Variants in SLC39A11 observed in about 807,000 individuals in gnomAD.
SLC39A11 encodes zinc transporter ZIP11.
Under a neutral mutation model 36.1 loss-of-function variants are expected in SLC39A11, and 33 were observed. The observed-to-expected ratio is 0.91, with a 90% CI of 0.69 to 1.22. The LOEUF (loss-of-function observed/expected upper bound fraction) is 1.22, where lower values mean the gene tolerates loss of function less well. Ranked by LOEUF, SLC39A11 falls within the 50% of genes most tolerant of loss-of-function variation. The pLI is 0.00. For synonymous variants in SLC39A11, 166 were observed against 170.3 expected, an observed-to-expected ratio of 0.97 and a Z score of 0.20; for missense variants, 432 against 430.3, an observed-to-expected ratio of 1.00 and a Z score of -0.03.
intron 5 of SLC39A11, among the ~76,000 whole-genome samples, chr17:72,882,174 G>A (rs535640548): frequency 4.7e-4 from 72 of 152,112 alleles, no homozygotes; most frequent in Middle Eastern, 3.4e-3. Flanking sequence ...CCAACATGTC[G>A]AAACCTCATC....
intron 6 of SLC39A11, among the ~76,000 whole-genome samples, chr17:72,768,015 T>C (rs963254183): frequency 1.3e-5 from 2 of 152,112 alleles, no homozygotes; most frequent in Non-Finnish European, 2.9e-5. Context: ...TGCTCATTGG[T>C]TGGGGCAGAG....
chr17:73,011,043 A>G (rs1461887009), intron 4 of SLC39A11, among the ~76,000 whole-genome samples: 1 of 149,512 alleles, frequency 6.7e-6, no homozygotes, highest in East Asian at 2.0e-4. Context: ...GACATGACCC[A>G]TCTGTGCCCT....
intron 6 of SLC39A11, among the ~76,000 whole-genome samples, chr17:72,810,688 A>T (rs1009242029): frequency 2.0e-5 from 3 of 151,690 alleles, no homozygotes; most frequent in Non-Finnish European, 4.4e-5. Flanking sequence ...ATATGTAAAA[A>T]TTCTTTTTTT....
intron 5 of SLC39A11, among the ~76,000 whole-genome samples, chr17:72,854,767 C>G (rs2079549539): frequency 6.6e-6 from 1 of 152,196 alleles, no homozygotes; most frequent in African/African-American, 2.4e-5. Flanking sequence ...CTCCATCTTT[C>G]CTGGAAAAGA....
At chr17:73,016,644 C>A (rs575052004) in intron 4 of SLC39A11, among the ~76,000 whole-genome samples, 1 of 152,176 alleles carries the variant, frequency 6.6e-6, no homozygotes, top group East Asian at 1.9e-4. Context: ...CCAATGCACA[C>A]AAAACCTCCC....
chr17:72,758,842 C>T (rs1272797176), intron 6 of SLC39A11, among the ~76,000 whole-genome samples: 1 of 152,194 alleles, frequency 6.6e-6, no homozygotes, highest in Non-Finnish European at 1.5e-5. Flanking sequence ...TATACGCCAA[C>T]CGGAACATTC....
At chr17:72,845,001 C>T (rs918515398) in intron 6 of SLC39A11, among the ~76,000 whole-genome samples, 2 of 152,158 alleles carry the variant, frequency 1.3e-5, no homozygotes, top group African/African-American at 4.8e-5. Flanking sequence ...ATTGGCTCCA[C>T]CTTCAATCGG....
intron 7 of SLC39A11, among the ~76,000 whole-genome samples, chr17:72,692,071 C>A (rs974271122): frequency 8.7e-5 from 13 of 150,276 alleles, no homozygotes; most frequent in African/African-American, 3.2e-4. Context: ...AGTGCAGTGG[C>A]GCGATCTCGG....
At chr17:72,892,036 T>G (rs114957284) in intron 5 of SLC39A11, among the ~76,000 whole-genome samples, 52,364 of 149,040 alleles carry the variant, frequency 0.35, 9,394 homozygotes, top group East Asian at 0.69. Context: ...GATAAGACTA[T>G]TTTTTTTCCC....
chr17:72,649,353 C>G, intron 7 of SLC39A11, 85 bp from the exon 8 acceptor site: 1 of 1,244,012 alleles, frequency 8.0e-7, no homozygotes, highest in Non-Finnish European at 1.1e-6. Flanking sequence ...CCAAGACCTC[C>G]GTGGGTGCTA....
intron 7 of SLC39A11, among the ~76,000 whole-genome samples, chr17:72,653,926 T>A (rs56086050): frequency 0.062 from 9,378 of 152,172 alleles, 371 homozygotes; most frequent in Middle Eastern, 0.11. Flanking sequence ...TCTGTCCTAG[T>A]TCAACAGGAG....
At chr17:72,939,667 G>A (rs1008193390) in intron 5 of SLC39A11, among the ~76,000 whole-genome samples, 3 of 152,120 alleles carry the variant, frequency 2.0e-5, no homozygotes, top group African/African-American at 2.4e-5. Context: ...AATTGATGCA[G>A]CTACAAGCCA....
chr17:72,919,928 G>A (rs1227870410), intron 5 of SLC39A11, among the ~76,000 whole-genome samples: 2 of 152,120 alleles, frequency 1.3e-5, no homozygotes, highest in Non-Finnish European at 2.9e-5. Flanking sequence ...GGACTTCTTC[G>A]AATGCCTTTA....
At chr17:72,778,336 T>C (rs186015067) in intron 6 of SLC39A11, among the ~76,000 whole-genome samples, 101 of 152,328 alleles carry the variant, frequency 6.6e-4, no homozygotes, top group Admixed American at 1.8e-3. Flanking sequence ...TCTCAGCCCC[T>C]GGACCACACT....
intron 7 of SLC39A11, among the ~76,000 whole-genome samples, chr17:72,683,139 T>C (rs539569794): frequency 2.4e-4 from 37 of 152,306 alleles, no homozygotes; most frequent in Non-Finnish European, 4.4e-4. Flanking sequence ...CATTCTAATT[T>C]ACTACAGGTA....
At chr17:72,701,629 G>A (rs1395754330) in intron 7 of SLC39A11, among the ~76,000 whole-genome samples, 6 of 150,142 alleles carry the variant, frequency 4.0e-5, no homozygotes, top group East Asian at 2.0e-4. Flanking sequence ...TGGGGAGGCT[G>A]AAGCACAAGA....
intron 5 of SLC39A11, among the ~76,000 whole-genome samples, chr17:72,935,769 G>T (rs2084703492): frequency 1.3e-5 from 2 of 151,956 alleles, no homozygotes; most frequent in African/African-American, 2.4e-5. Context: ...TATTTTCGTA[G>T]ACACGGGGTT....
chr17:72,992,727 A>C (rs1456580725), intron 4 of SLC39A11, among the ~76,000 whole-genome samples: 4 of 152,230 alleles, frequency 2.6e-5, no homozygotes, highest in Non-Finnish European at 5.9e-5. Flanking sequence ...GCTTTTAAAA[A>C]ATACTAATGC....
At chr17:72,961,890 GA>G (rs1269989163) in intron 4 of SLC39A11, among the ~76,000 whole-genome samples, 1 of 151,718 alleles carries the variant, frequency 6.6e-6, no homozygotes, top group Non-Finnish European at 1.5e-5. Context: ...AGTATAATAA[GA>G]AAAAAAAGAA....
Sources: allele counts gnomAD v4.1 joint callset (sites outside exome capture counted in the v4.1 genomes callset), GRCh38; gene constraint gnomAD v4.1.1; transcripts MANE v1.5; gene names NCBI Gene and HGNC (gene_info 2026-07-23, HGNC 2026-07-21).